Variants in CNBD1 observed in about 807,000 individuals in gnomAD.
The protein encoded by CNBD1 is cyclic nucleotide-binding domain-containing protein 1.
CNBD1 carries 71 observed loss-of-function variants against 54.4 expected under a neutral mutation model. The ratio of observed to expected loss-of-function variants is 1.30; its 90% CI spans 1.08 to 1.59. CNBD1 has a LOEUF of 1.59. Ranked by LOEUF, CNBD1 falls within the 40% of genes most tolerant of loss-of-function variation. The pLI is 0.00. For missense variants in CNBD1, 659 were observed against 518.0 expected, an observed-to-expected ratio of 1.27 and a Z score of -2.64; for synonymous variants, 182 against 170.7, an observed-to-expected ratio of 1.07 and a Z score of -0.51.
rs1001427520 is a variant in CNBD1 at position 86,890,857 on chromosome 8, AT to A, written c.158+3256del. Among the ~76,000 whole-genome samples the A allele has an allele frequency of 6.0e-3, 875 of 146,514 alleles. 11 individuals are homozygous for A. Among genetic ancestry groups the A allele is most frequent in the African/African-American group, 0.02 (804 of 39,946 alleles). Reference sequence around the variant, plus strand: ...TGATTAGTGCTATCAAGCATTTGTTATTTTTTTTTTCATGAACACATTGGCT... The same window carrying A: ...TGATTAGTGCTATCAAGCATTTGTTATTTTTTTTTCATGAACACATTGGCT... On this transcript the variant is annotated intron_variant, in intron 2 of 10. Transcript: ENST00000518476.
chr8:87,053,380 A>G (rs1810350875), intron 4 of CNBD1, among the ~76,000 whole-genome samples: 1 of 152,358 alleles, frequency 6.6e-6, no homozygotes, highest in South Asian at 2.1e-4. Context: ...TCAGGGTCTG[A>G]TGATAAAAGC....
chr8:87,226,442 C>G (rs1814494842), intron 5 of CNBD1, among the ~76,000 whole-genome samples: 1 of 149,136 alleles, frequency 6.7e-6, no homozygotes, highest in Admixed American at 6.6e-5. Flanking sequence ...TATGTTGTGT[C>G]TTTGTTCTCG....
intron 4 of CNBD1, among the ~76,000 whole-genome samples, chr8:87,201,361 A>G (rs1199970928): frequency 6.6e-6 from 1 of 152,224 alleles, no homozygotes; most frequent in Non-Finnish European, 1.5e-5. Flanking sequence ...ATGTAACATT[A>G]TAGTGAATGT....
chr8:87,120,307 T>C (rs1157245709), intron 4 of CNBD1, among the ~76,000 whole-genome samples: 1 of 152,054 alleles, frequency 6.6e-6, no homozygotes, highest in Non-Finnish European at 1.5e-5. Context: ...TGGTAGGCTG[T>C]GTGTTTCAAG....
chr8:87,138,397 G>T (rs1407744228), intron 4 of CNBD1, among the ~76,000 whole-genome samples: 3 of 152,128 alleles, frequency 2.0e-5, no homozygotes, highest in Non-Finnish European at 4.4e-5. Flanking sequence ...TCCTTCTGCT[G>T]AATTCCTGTC....
intron 4 of CNBD1, among the ~76,000 whole-genome samples, chr8:87,149,457 G>T (rs951046220): frequency 6.6e-6 from 1 of 152,146 alleles, no homozygotes; most frequent in East Asian, 1.9e-4. Context: ...TAAATAAGAG[G>T]CATCCTTGGC....
chr8:87,295,978 G>A (rs141396034), intron 8 of CNBD1, among the ~76,000 whole-genome samples: 7 of 151,786 alleles, frequency 4.6e-5, no homozygotes, highest in South Asian at 2.1e-4. Flanking sequence ...CTTATGTTTC[G>A]CTATGAATAT....
intron 2 of CNBD1, chr8:87,428,489 T>TCTTTGTA (rs1554589783): frequency 8.0e-6 from 3 of 374,510 alleles, no homozygotes; most frequent in South Asian, 5.8e-5. Context: ...CAATTGCTCT[T>TCTTTGTA]TTTATGAAGA....
chr8:87,010,025 C>T (rs1301896316), intron 4 of CNBD1, among the ~76,000 whole-genome samples: 1 of 152,076 alleles, frequency 6.6e-6, no homozygotes, highest in Non-Finnish European at 1.5e-5. Flanking sequence ...ATATCCTCTC[C>T]TACCTCTGTG....
chr8:86,926,811 C>A (rs1304957306), intron 3 of CNBD1, among the ~76,000 whole-genome samples: 2 of 152,116 alleles, frequency 1.3e-5, no homozygotes, highest in Non-Finnish European at 2.9e-5. Flanking sequence ...TATGAGAAAT[C>A]CTTTGAGAGT....
At chr8:87,331,254 G>T (rs552196441) in intron 8 of CNBD1, among the ~76,000 whole-genome samples, 3 of 151,998 alleles carry the variant, frequency 2.0e-5, no homozygotes, top group African/African-American at 7.2e-5. Context: ...GTTGTTCCCC[G>T]ATGTGTGTCC....
intron 5 of CNBD1, among the ~76,000 whole-genome samples, chr8:87,207,751 C>T (rs183842660): frequency 6.6e-6 from 1 of 152,162 alleles, no homozygotes; most frequent in East Asian, 1.9e-4. Context: ...CACCTTAACT[C>T]ACGTGATTGA....
intron 6 of CNBD1, among the ~76,000 whole-genome samples, chr8:87,237,688 T>C (rs934320771): frequency 6.6e-6 from 1 of 152,122 alleles, no homozygotes; most frequent in African/African-American, 2.4e-5. Context: ...TTGACTAGAA[T>C]TGTGGCTGAT....
chr8:87,330,896 TA>T (rs1809813491), intron 8 of CNBD1, among the ~76,000 whole-genome samples: 1 of 152,166 alleles, frequency 6.6e-6, no homozygotes. Flanking sequence ...AGATATAAAT[TA>T]GGTTTCTCAT....
At chr8:87,220,168 T>A (rs2130808081) in intron 5 of CNBD1, among the ~76,000 whole-genome samples, 1 of 152,208 alleles carries the variant, frequency 6.6e-6, no homozygotes, top group Admixed American at 6.6e-5. Context: ...TTTTTTAAAG[T>A]AACTTAATGC....
rs182170936 is a variant in CNBD1, at chr8:87,354,076, G to T, written c.1303+290G>T. 1.8e-3 allele frequency among the ~76,000 whole-genome samples: 269 copies of T among 152,096 alleles called. 3 individuals are homozygous for T. Among genetic ancestry groups the T allele is most frequent in the Admixed American group, 0.017 (262 of 15,272 alleles). ...GGGGCTGCCTGAGGCTTGGTCTCCT[G>T]GTCCTCCAGGACCACCCTGAACTGA... is the stretch of plus-strand genomic sequence containing the variant. On this transcript the variant is annotated intron_variant, in intron 10 of 10. Coordinates refer to ENST00000518476, the MANE Select transcript of CNBD1 (RefSeq NM_173538.3).
intron 4 of CNBD1, among the ~76,000 whole-genome samples, chr8:87,016,461 A>AAG (rs897560458): frequency 6.6e-6 from 1 of 151,554 alleles, no homozygotes; most frequent in African/African-American, 2.4e-5. Flanking sequence ...AAATGAAAAA[A>AAG]AAAAAAAACT....
At chr8:87,076,616 G>A (rs993220508) in intron 4 of CNBD1, among the ~76,000 whole-genome samples, 9 of 151,940 alleles carry the variant, frequency 5.9e-5, no homozygotes, top group African/African-American at 2.2e-4. Context: ...ATAATTTTTT[G>A]TATTTTTAGT....
At chr8:87,379,343 A>T (rs1406073984) in intron 10 of CNBD1, among the ~76,000 whole-genome samples, 1 of 151,896 alleles carries the variant, frequency 6.6e-6, no homozygotes, top group Non-Finnish European at 1.5e-5. Flanking sequence ...GTCAACAAGG[A>T]TACCCAGGAA....
Sources: gnomAD v4.1 joint callset for allele counts (sites outside exome capture counted in the v4.1 genomes callset) on GRCh38, gnomAD v4.1.1 for gene constraint, MANE v1.5 for transcripts, NCBI Gene and HGNC (gene_info 2026-07-23, HGNC 2026-07-21) for gene names.